The following PIGB variants were observed in gnomAD, a reference collection of about 807,000 sequenced individuals.
PIGB encodes the protein GPI alpha-1,2-mannosyltransferase 3.
In PIGB, 58 loss-of-function variants were observed where a neutral mutation model predicts 68.4. The observed-to-expected ratio is 0.85, with a 90% CI of 0.69 to 1.06. The LOEUF (loss-of-function observed/expected upper bound fraction) is 1.06. PIGB is among the 50% of genes least tolerant of loss of function. The probability of loss-of-function intolerance (pLI) is 0.00; values close to 1 mark genes in which losing one functional copy is unlikely to be tolerated. For synonymous variants in PIGB, 219 were observed against 220.5 expected, an observed-to-expected ratio of 0.99 and a Z score of 0.06; for missense variants, 634 against 655.8, an observed-to-expected ratio of 0.97 and a Z score of 0.36.
intron 7 of PIGB, 89 bp downstream of exon 7, chr15:55,339,407 T>C (rs996936463): frequency 2.5e-6 from 2 of 796,238 alleles, no homozygotes; most frequent in Admixed American, 2.8e-5. Flanking sequence ...TTAAATGATA[T>C]GGGATACATT....
At chr15:55,341,316 G>A (rs2055665307) in intron 8 of PIGB, among the ~76,000 whole-genome samples, 1 of 152,162 alleles carries the variant, frequency 6.6e-6, no homozygotes, top group Non-Finnish European at 1.5e-5. Flanking sequence ...AGCTATGATT[G>A]TGCTACTGCA....
intron 9 of PIGB, among the ~76,000 whole-genome samples, chr15:55,347,680 G>A (rs560075785): frequency 7.2e-5 from 11 of 152,222 alleles, no homozygotes; most frequent in African/African-American, 2.2e-4. Context: ...GCATTGTTCA[G>A]CTGTTCCTTC....
In PIGB at chr15:55,355,383, T is replaced by A; in HGVS notation, c.1616T>A (p.Val539Asp). The A allele has an allele frequency of 6.2e-7, 1 of 1,610,854 alleles. No homozygotes were observed. Among genetic ancestry groups the A allele is most frequent in the Non-Finnish European group, 8.5e-7 (1 of 1,178,092 alleles). Residue 539 changes from valine (V) to aspartate (D), a missense_variant, in exon 12 of 12, where the codon GTC becomes GAC. Val to Asp is a radical substitution (Grantham distance 152). Transcript: ENST00000164305. ...PEGRIGSHIY[V>D]YERKLKGKFN... The stretch of plus-strand genomic sequence containing the variant: ...GGTCGAATTGGAAGTCACATATATG[T>A]CTATGAACGGAAGTTAAAAGGGAAA...
intron 6 of PIGB, 83 bp downstream of exon 6, chr15:55,334,090 ATTATT>A (rs1167850937): frequency 2.0e-6 from 2 of 984,520 alleles, no homozygotes; most frequent in Non-Finnish European, 2.9e-6. Context: ...CTTTCAGTTA[ATTATT>A]TTATCTTCTA....
At chr15:55,335,715 G>A (rs1227249913) in intron 6 of PIGB, among the ~76,000 whole-genome samples, 1 of 152,122 alleles carries the variant, frequency 6.6e-6, no homozygotes, top group Non-Finnish European at 1.5e-5. Context: ...AGTGAACCAT[G>A]TAGTTACTTG....
intron 9 of PIGB, chr15:55,348,439 T>C (rs752312800): frequency 6.6e-6 from 1 of 152,294 alleles, no homozygotes; most frequent in South Asian, 2.1e-4. Flanking sequence ...TTAGTTGAAA[T>C]TTGATCCCCA....
rs767394989 is a variant in PIGB at position 55,340,679 on chromosome 15, C to G, written c.914C>G (p.Ser305Cys). 4 of 1,612,562 alleles carry G rather than the reference C, an allele frequency of 2.5e-6. No individual in the cohort carries two copies. Among genetic ancestry groups the G allele is most frequent in the African/African-American group, 1.3e-5 (1 of 74,848 alleles). Reference sequence around the variant, plus strand: ...CAGAACTGGGGAACATTTTATGGTTCTCATCCATGGCACTGGTACTTCAGT... The same window carrying G: ...CAGAACTGGGGAACATTTTATGGTTGTCATCCATGGCACTGGTACTTCAGT... The part of the protein sequence containing the change: ...VLQNWGTFYG[S>C]HPWHWYFSQG... The change falls in exon 8 of 12, where the codon TCT becomes TGT. Residue 305 changes from serine to cysteine, a missense_variant. Physicochemically the swap from Ser to Cys is moderately radical, Grantham distance 112 (BLOSUM62 -1). Coordinates refer to ENST00000164305, the MANE Select transcript of PIGB (RefSeq NM_004855.5).
chr15:55,350,502 T>G (rs1229467127), intron 9 of PIGB, 197 bp from the exon 10 acceptor site: 2 of 580,292 alleles, frequency 3.4e-6, no homozygotes, highest in African/African-American at 3.7e-5. Context: ...CCTCAATACC[T>G]TTTACTAGAA....
chr15:55,322,832 C>G (rs1357046309), intron 3 of PIGB, among the ~76,000 whole-genome samples: 4 of 152,134 alleles, frequency 2.6e-5, no homozygotes, highest in African/African-American at 7.2e-5. Context: ...TCTTCTCTTA[C>G]AGTTATCTAC....
intron 3 of PIGB, among the ~76,000 whole-genome samples, chr15:55,327,291 T>C (rs960454122): frequency 6.7e-6 from 1 of 149,248 alleles, no homozygotes; most frequent in Non-Finnish European, 1.5e-5. Context: ...TACACACACA[T>C]ACAGAGAATG....
chr15:55,334,874 C>G (rs2055499282), intron 6 of PIGB, among the ~76,000 whole-genome samples: 1 of 152,180 alleles, frequency 6.6e-6, no homozygotes, highest in African/African-American at 2.4e-5. Flanking sequence ...CGCCTGCCAC[C>G]ACGCCTGGCT....
intron 9 of PIGB, among the ~76,000 whole-genome samples, chr15:55,347,970 AG>A (rs1180855021): frequency 6.9e-6 from 1 of 144,378 alleles, no homozygotes; most frequent in African/African-American, 2.6e-5. Context: ...TTGTATTCCT[AG>A]TGCCATAGTT....
At chr15:55,331,665 G>A (rs1275518209) in intron 5 of PIGB, among the ~76,000 whole-genome samples, 1 of 151,902 alleles carries the variant, frequency 6.6e-6, no homozygotes, top group African/African-American at 2.4e-5. Context: ...GTCAGTCGAG[G>A]TCACACGATT....
chr15:55,353,998 T>TAAAAATTAAAAAAAAAAAA (rs112479438), intron 10 of PIGB, among the ~76,000 whole-genome samples: 1 of 112,034 alleles, frequency 8.9e-6, no homozygotes, highest in African/African-American at 4.2e-5. Context: ...TCATCTTAAA[T>TAAAAATTAAAAAAAAAAAA]AAAAAAAAAA....
rs377437004 is a variant in PIGB, at chr15:55,340,650, G to A, written c.885G>A (p.Val295=). 2 of 1,612,484 alleles carry A rather than the reference G, an allele frequency of 1.2e-6. No individual in the cohort carries two copies. The highest frequency in any genetic ancestry group is 1.7e-5 in the Admixed American group (1 of 59,830). The part of the protein sequence containing the change: ...LVQFNFLKFN[V]LQNWGTFYGS... ...AATTTAATTTTTTGAAATTTAACGT[G>A]CTGCAGAACTGGGGAACATTTTATG... The change falls in exon 8 of 12, where the codon GTG becomes GTA. Residue 295 remains valine, a synonymous_variant. Transcript: ENST00000164305.
In PIGB at chr15:55,350,696, T is replaced by G; in HGVS notation, c.1124-3T>G. 6.3e-7 allele frequency: 1 copy of G among 1,590,840 alleles called. No homozygotes were observed. Among genetic ancestry groups the G allele is most frequent in the Non-Finnish European group, 8.6e-7 (1 of 1,159,780 alleles). On this transcript the variant is annotated splice_polypyrimidine_tract_variant and splice_region_variant and intron_variant, in intron 9 of 11. Coordinates refer to ENST00000164305, the MANE Select transcript of PIGB (RefSeq NM_004855.5). The stretch of plus-strand genomic sequence containing the variant: ...AAGGTTCAATATGTCTATCTTCATA[T>G]AGGATACTCATTAACCCACCTGAAA...
At chr15:55,333,330 T>G (rs1480146991) in intron 5 of PIGB, among the ~76,000 whole-genome samples, 1 of 152,196 alleles carries the variant, frequency 6.6e-6, no homozygotes, top group African/African-American at 2.4e-5. Context: ...GCACTGTGGC[T>G]CCTGCCTGTA....
intron 3 of PIGB, among the ~76,000 whole-genome samples, chr15:55,322,135 T>C (rs1290040597): frequency 6.6e-6 from 1 of 151,802 alleles, no homozygotes; most frequent in Non-Finnish European, 1.5e-5. Context: ...GATCACGCCA[T>C]TGCATTCTAG....
chr15:55,324,115 C>T (rs910170925), intron 3 of PIGB, among the ~76,000 whole-genome samples: 3 of 152,170 alleles, frequency 2.0e-5, no homozygotes, highest in Admixed American at 2.0e-4. Flanking sequence ...AAATGATCTG[C>T]CTGCCTCTAC....
Sources: allele counts gnomAD v4.1 joint callset (sites outside exome capture counted in the v4.1 genomes callset), GRCh38; gene constraint gnomAD v4.1.1; transcripts MANE v1.5; gene names NCBI Gene and HGNC (gene_info 2026-07-23, HGNC 2026-07-21).